KLHDC10: variants seen among roughly 807,000 people sequenced by gnomAD.
KLHDC10 encodes the protein kelch domain-containing protein 10.
In KLHDC10, 24 loss-of-function variants were observed where a neutral mutation model predicts 56.1. The observed-to-expected ratio is 0.43, with a 90% CI of 0.31 to 0.60. The LOEUF (loss-of-function observed/expected upper bound fraction) is 0.60. Among genes scored for constraint, KLHDC10 ranks in the 20% least tolerant of loss-of-function variants. The pLI, the probability that KLHDC10 is intolerant of heterozygous loss-of-function variation, is 0.11. For synonymous variants in KLHDC10, 188 were observed against 207.1 expected, an observed-to-expected ratio of 0.91 and a Z score of 0.79; for missense variants, 349 against 567.0, an observed-to-expected ratio of 0.62 and a Z score of 3.91.
At chr7:130,126,850 G>A (rs572183436) in intron 7 of KLHDC10, among the ~76,000 whole-genome samples, 1 of 152,110 alleles carries the variant, frequency 6.6e-6, no homozygotes, top group East Asian at 1.9e-4. Context: ...GCTGGGTATG[G>A]TGGCTCATGC....
chr7:130,107,051 T>G (rs986953614), intron 2 of KLHDC10, among the ~76,000 whole-genome samples: 2 of 152,220 alleles, frequency 1.3e-5, no homozygotes, highest in Non-Finnish European at 2.9e-5. Context: ...AAAAGAAGAT[T>G]TATTTTATGA....
chr7:130,090,032 C>T (rs867279055), intron 1 of KLHDC10, among the ~76,000 whole-genome samples: 4 of 152,066 alleles, frequency 2.6e-5, no homozygotes, highest in South Asian at 2.1e-4. Context: ...CAGGCATGCA[C>T]CACCACGCCT....
chr7:130,128,858 A>G (rs1796347735), intron 8 of KLHDC10, among the ~76,000 whole-genome samples: 2 of 130,386 alleles, frequency 1.5e-5, no homozygotes, highest in Admixed American at 8.3e-5. Flanking sequence ...TGGGTAATAT[A>G]GTGAGACCTT....
intron 6 of KLHDC10, 39 bp downstream of exon 6, chr7:130,124,574 G>A (rs994193119): frequency 1.4e-5 from 15 of 1,043,360 alleles, no homozygotes; most frequent in Non-Finnish European, 1.9e-5. Flanking sequence ...AGAGGGAGAA[G>A]GATAGAAGGA....
chr7:130,110,552 G>A (rs1796086381), intron 2 of KLHDC10, among the ~76,000 whole-genome samples: 1 of 152,166 alleles, frequency 6.6e-6, no homozygotes, highest in Non-Finnish European at 1.5e-5. Context: ...GCTTTGGTCT[G>A]AGCAACTTGG....
intron 1 of KLHDC10, among the ~76,000 whole-genome samples, chr7:130,076,099 C>T (rs561045823): frequency 6.6e-6 from 1 of 152,244 alleles, no homozygotes; most frequent in Admixed American, 6.5e-5. Context: ...CACCTCAGGT[C>T]ATCAGGCACT....
chr7:130,089,532 G>A (rs1159366485), intron 1 of KLHDC10, among the ~76,000 whole-genome samples: 1 of 152,190 alleles, frequency 6.6e-6, no homozygotes, highest in African/African-American at 2.4e-5. Context: ...AATAAATGTC[G>A]ATTATCCTAA....
chr7:130,099,801 T>G (rs1795904497), intron 2 of KLHDC10, among the ~76,000 whole-genome samples: 1 of 152,132 alleles, frequency 6.6e-6, no homozygotes, highest in East Asian at 1.9e-4. Context: ...AATTATGAGA[T>G]TATTATAGTT....
At chr7:130,085,687 C>T (rs559406732) in intron 1 of KLHDC10, among the ~76,000 whole-genome samples, 4 of 150,504 alleles carry the variant, frequency 2.7e-5, no homozygotes, top group African/African-American at 4.9e-5. Flanking sequence ...ATACAAAAAA[C>T]GCCGGGCGTG....
At chr7:130,129,954 G>T (rs1420656962) in intron 9 of KLHDC10, among the ~76,000 whole-genome samples, 1 of 152,046 alleles carries the variant, frequency 6.6e-6, no homozygotes, top group Non-Finnish European at 1.5e-5. Flanking sequence ...TGGCATCTTG[G>T]ATACTTAATA....
At chr7:130,124,591 C>T (rs955266781) in intron 6 of KLHDC10, 56 bp downstream of exon 6, 18 of 879,186 alleles carry the variant, frequency 2.0e-5, no homozygotes, top group Non-Finnish European at 2.8e-5. Context: ...AGGAGGCTTG[C>T]GTCAACCAAG....
At chr7:130,092,941 A>G (rs560908818) in intron 1 of KLHDC10, among the ~76,000 whole-genome samples, 12 of 148,184 alleles carry the variant, frequency 8.1e-5, no homozygotes, top group Admixed American at 7.4e-4. Flanking sequence ...TCTGCTTTTC[A>G]TCTTCCAGTG....
intron 2 of KLHDC10, among the ~76,000 whole-genome samples, chr7:130,097,846 A>G (rs993111832): frequency 3.3e-5 from 5 of 151,988 alleles, no homozygotes; most frequent in Non-Finnish European, 7.4e-5. Flanking sequence ...TCTACTTTTT[A>G]TTTTTTCTAC....
chr7:130,090,037 A>G (rs1198952847), intron 1 of KLHDC10, among the ~76,000 whole-genome samples: 1 of 151,924 alleles, frequency 6.6e-6, no homozygotes, highest in Non-Finnish European at 1.5e-5. Context: ...ATGCACCACC[A>G]CGCCTGGCTA....
chr7:130,118,216 G>T (rs1796197669), intron 3 of KLHDC10, among the ~76,000 whole-genome samples: 1 of 152,170 alleles, frequency 6.6e-6, no homozygotes, highest in Non-Finnish European at 1.5e-5. Flanking sequence ...CTGTTGTTTA[G>T]TGTAGCCACT....
rs1796424121 is a variant in KLHDC10, at chr7:130,133,214, AG to A, written c.*2469del. The A allele has an allele frequency of 6.6e-6, 1 of 152,258 alleles. No individual in the cohort carries two copies. The highest frequency in any genetic ancestry group is 1.5e-5 in the Non-Finnish European group (1 of 68,050). 9.4% of individuals were successfully genotyped at this position (152,258 alleles called of 1,614,324 possible). A position where few individuals can be genotyped will look rare whatever the true frequency, so the allele number is the denominator to read the frequency against. ...AGACTGTGTGTAAATGACTAAGTGT[AG>A]ATAACTAGAAATTAGATAGGGGTCA... On this transcript the variant is annotated 3_prime_UTR_variant, in exon 10 of 10. Transcript: ENST00000335420.
intron 1 of KLHDC10, among the ~76,000 whole-genome samples, chr7:130,074,959 C>A (rs537738311): frequency 6.6e-6 from 1 of 152,228 alleles, no homozygotes; most frequent in South Asian, 2.1e-4. Flanking sequence ...GCATCCATTG[C>A]GACAGCACAA....
rs565502279 is a variant in KLHDC10, at chr7:130,075,154, A to G, written c.166+4345A>G. On this transcript the variant is annotated intron_variant, in intron 1 of 9. Transcript: ENST00000335420. ...GAATTGTGCTTTTTGTAGAATAAGTATGCAGAGAGCTCAGGAGCGCGGGGT... is the reference window on the plus strand; with the variant it reads ...GAATTGTGCTTTTTGTAGAATAAGTGTGCAGAGAGCTCAGGAGCGCGGGGT... 2.0e-4 allele frequency among the ~76,000 whole-genome samples: 31 copies of G among 152,322 alleles called. 2 individuals are homozygous for G. The South Asian group carries it at 6.4e-3, about 32-fold the overall frequency.
intron 2 of KLHDC10, among the ~76,000 whole-genome samples, chr7:130,106,885 T>G (rs1321065006): frequency 1.3e-5 from 2 of 152,090 alleles, no homozygotes; most frequent in African/African-American, 2.4e-5. Context: ...ATGAGAGGAT[T>G]GCTTGAACCT....
Sources: gnomAD v4.1 joint callset for allele counts (sites outside exome capture counted in the v4.1 genomes callset) on GRCh38, gnomAD v4.1.1 for gene constraint, MANE v1.5 for transcripts, NCBI Gene and HGNC (gene_info 2026-07-23, HGNC 2026-07-21) for gene names.